Variants in PCLO observed in about 807,000 individuals in gnomAD.
PCLO encodes the protein piccolo presynaptic cytomatrix protein.
In PCLO, 82 loss-of-function variants were observed where a neutral mutation model predicts 427.5. That is an observed-to-expected ratio of 0.19 (90% confidence interval 0.16 to 0.23). PCLO has a LOEUF of 0.23. Among genes scored for constraint, PCLO ranks in the 10% least tolerant of loss-of-function variants. The pLI, the probability that PCLO is intolerant of heterozygous loss-of-function variation, is 1.00. For missense variants in PCLO, 6,239 were observed against 6,115.9 expected (o/e 1.02, Z -0.67); for synonymous variants, 2,357 against 2,155.4 (o/e 1.09, Z -2.59).
rs542463329 is a variant in PCLO at position 83,014,480 on chromosome 7, A to T, written c.3301-47993T>A. ...AAATCAATGCATAATGGATCAAAGA[A>T]TATATTTCTCTGAAACTTCCAGTCC... On this transcript the variant is annotated intron_variant, in intron 3 of 24. Transcript: ENST00000333891. 2.1e-4 allele frequency among the ~76,000 whole-genome samples: 32 copies of T among 152,280 alleles called. 1 individual carries two copies. Among genetic ancestry groups the T allele is most frequent in the African/African-American group, 7.7e-4 (32 of 41,558 alleles).
intron 3 of PCLO, among the ~76,000 whole-genome samples, chr7:82,998,316 C>T (rs1787682967): frequency 6.6e-6 from 1 of 151,750 alleles, no homozygotes; most frequent in African/African-American, 2.4e-5. Flanking sequence ...ATGCTTCAGG[C>T]AGGGGGAAAG....
intron 3 of PCLO, among the ~76,000 whole-genome samples, chr7:82,979,287 T>C (rs969963211): frequency 5.9e-5 from 9 of 152,178 alleles, no homozygotes; most frequent in African/African-American, 2.2e-4. Flanking sequence ...TTTGAAACGA[T>C]CATGGAAAAT....
At chr7:82,960,160 T>G (rs1446867190) in intron 4 of PCLO, among the ~76,000 whole-genome samples, 1 of 152,232 alleles carries the variant, frequency 6.6e-6, no homozygotes. Flanking sequence ...AAGTTTTTGT[T>G]TAATTTTCCA....
intron 3 of PCLO, among the ~76,000 whole-genome samples, chr7:83,059,604 T>C (rs569463450): frequency 6.6e-6 from 1 of 151,968 alleles, no homozygotes; most frequent in Non-Finnish European, 1.5e-5. Context: ...ATTTAACCAA[T>C]CTCCATGCAT....
At chr7:82,856,241 A>C (rs1442641730) in intron 10 of PCLO, among the ~76,000 whole-genome samples, 1 of 152,168 alleles carries the variant, frequency 6.6e-6, no homozygotes, top group Non-Finnish European at 1.5e-5. Flanking sequence ...ACTTGATTAC[A>C]TTTGATTTAC....
At position 82,916,394 on chromosome 7, in the gene PCLO, GA is replaced by G; in HGVS notation, c.11591del (p.Phe3864SerfsTer15). ...GGGTTTGTGGTGGTATAAACTGGCTGAATTCAGTTTGGGGAGCAGTTCTTGG... is the reference window on the plus strand; with the variant it reads ...GGGTTTGTGGTGGTATAAACTGGCTGATTCAGTTTGGGGAGCAGTTCTTGG... The part of the protein sequence containing the change: ...ERPRTAPQTE[F>X]SQFIPPQTQT... On this transcript the variant is annotated frameshift_variant, in exon 7 of 25. Transcript: ENST00000333891. LOFTEE classifies it high-confidence loss of function. 6.2e-7 allele frequency: 1 copy of G among 1,613,730 alleles called. No individual in the cohort carries two copies. The highest frequency in any genetic ancestry group is 2.2e-5 in the East Asian group (1 of 44,852).
chr7:82,820,457 A>G (rs1353128035), intron 20 of PCLO: 2 of 1,132,142 alleles, frequency 1.8e-6, no homozygotes, highest in Non-Finnish European at 2.2e-6. Flanking sequence ...ATCATATAAC[A>G]ATGGCTCAGA....
chr7:83,075,628 T>C (rs1789932525), intron 3 of PCLO, among the ~76,000 whole-genome samples: 1 of 152,154 alleles, frequency 6.6e-6, no homozygotes, highest in Non-Finnish European at 1.5e-5. Flanking sequence ...AGACTTTTAA[T>C]GCATTTTTAA....
At position 82,950,372 on chromosome 7, in the gene PCLO, C is replaced by T. The variant is rs1328734838; in HGVS notation, c.10216G>A (p.Glu3406Lys). ...EIPLTDVVVK[E>K]EKQPKKRSSG... ...CTTCTCTTTTTGGGTTGTTTTTCCT[C>T]TTTCACAACAACATCTGTTAGAGGT... The change falls in exon 6 of 25, where the codon GAG becomes AAG. Residue 3406 changes from glutamate to lysine, a missense_variant. Coordinates refer to ENST00000333891, the MANE Select transcript of PCLO (RefSeq NM_033026.6). The T allele has an allele frequency of 3.1e-6, 5 of 1,613,728 alleles. No homozygotes were observed. The East Asian group carries it at 8.9e-5, about 29-fold the overall frequency.
chr7:82,822,366 CA>C (rs1430272077), intron 20 of PCLO, 128 bp downstream of exon 20: 3 of 1,571,390 alleles, frequency 1.9e-6, no homozygotes, highest in Non-Finnish European at 2.6e-6. Flanking sequence ...CTTACACAGA[CA>C]AAGGGACAGA....
At chr7:83,110,087 G>A (rs969053984) in intron 3 of PCLO, among the ~76,000 whole-genome samples, 2 of 150,382 alleles carry the variant, frequency 1.3e-5, no homozygotes, top group African/African-American at 4.9e-5. Context: ...CCCCAAGCAG[G>A]TTCTCAGTAC....
chr7:82,767,872 C>A (rs369573209), intron 22 of PCLO, among the ~76,000 whole-genome samples: 9 of 151,808 alleles, frequency 5.9e-5, no homozygotes, highest in East Asian at 1.9e-4. Flanking sequence ...GAAATAAGTT[C>A]TCTGAAAGAT....
chr7:83,162,320 G>A, intron 1 of PCLO, 25 bp downstream of exon 1: 2 of 1,581,246 alleles, frequency 1.3e-6, no homozygotes, highest in Non-Finnish European at 8.6e-7. Context: ...TATATGCCCG[G>A]ACATATACAT....
chr7:83,039,003 A>C (rs150092197), intron 3 of PCLO, among the ~76,000 whole-genome samples: 1 of 151,964 alleles, frequency 6.6e-6, no homozygotes, highest in African/African-American at 2.4e-5. Flanking sequence ...GCATGCATTT[A>C]TTGGCCATTT....
chr7:82,977,125 C>G (rs576793767), intron 3 of PCLO, among the ~76,000 whole-genome samples: 1 of 151,964 alleles, frequency 6.6e-6, no homozygotes, highest in Non-Finnish European at 1.5e-5. Flanking sequence ...CAGAACAGTG[C>G]CAATATTATC....
At chr7:83,001,723 C>T (rs1335104331) in intron 3 of PCLO, among the ~76,000 whole-genome samples, 2 of 152,022 alleles carry the variant, frequency 1.3e-5, no homozygotes. Flanking sequence ...GCATGTCTGC[C>T]TCATGGTGCT....
intron 9 of PCLO, among the ~76,000 whole-genome samples, chr7:82,883,166 G>A (rs896582421): frequency 6.6e-6 from 1 of 151,804 alleles, no homozygotes; most frequent in Non-Finnish European, 1.5e-5. Flanking sequence ...AAAATATATT[G>A]CGTAGTTCAG....
chr7:83,042,069 T>C (rs1484414816), intron 3 of PCLO, among the ~76,000 whole-genome samples: 1 of 152,156 alleles, frequency 6.6e-6, no homozygotes, highest in Non-Finnish European at 1.5e-5. Context: ...TGAATTGCTA[T>C]GGGAGTTGAT....
intron 3 of PCLO, among the ~76,000 whole-genome samples, chr7:83,097,625 C>T (rs1790626773): frequency 8.8e-6 from 1 of 114,218 alleles, no homozygotes; most frequent in Non-Finnish European, 1.8e-5. Context: ...ACGTATCATG[C>T]TTTATAAACT....
Sources: gnomAD v4.1 joint callset for allele counts (sites outside exome capture counted in the v4.1 genomes callset) on GRCh38, gnomAD v4.1.1 for gene constraint, MANE v1.5 for transcripts, NCBI Gene and HGNC (gene_info 2026-07-23, HGNC 2026-07-21) for gene names.